The following RYR3 variants were observed in gnomAD, a reference collection of about 807,000 sequenced individuals.
RYR3 encodes the protein brain ryanodine receptor-calcium release channel.
Under a neutral mutation model 584.3 loss-of-function variants are expected in RYR3, and 207 were observed. The observed-to-expected ratio is 0.35, with a 90% CI of 0.32 to 0.40. RYR3 has a LOEUF of 0.40. Ranked by LOEUF, RYR3 falls within the 10% of genes least tolerant of loss-of-function variation. The pLI is 1.00. For synonymous variants in RYR3, 2,416 were observed against 2,248.5 expected (o/e 1.07, Z -2.11); for missense variants, 5,616 against 6,089.2 (o/e 0.92, Z 2.59).
chr15:33,785,880 A>G lies in RYR3; in HGVS notation c.9487A>G (p.Lys3163Glu), dbSNP rs2074676545. Residue 3163 changes from lysine (K) to glutamate (E), a missense_variant, in exon 66 of 104, where the codon AAG (lysine) becomes GAG (glutamate). Physicochemically the swap from Lys to Glu is moderately conservative, Grantham distance 56. Transcript: ENST00000634891. ...LPPSTGPCCT[K>E]VTSEHLSLIL... The stretch of plus-strand genomic sequence containing the variant: ...CCCCAGCACAGGGCCATGCTGCACC[A>G]AGGTCACCTCTGAACACCTCAGTCT... 1.2e-6 allele frequency: 2 copies of G among 1,613,872 alleles called. No homozygotes were observed.
chr15:33,860,143 G>A (rs1184894699), intron 100 of RYR3, among the ~76,000 whole-genome samples: 1 of 152,154 alleles, frequency 6.6e-6, no homozygotes, highest in Non-Finnish European at 1.5e-5. Flanking sequence ...GTCAAGATTG[G>A]AGAAAGATGA....
rs183056535 is a variant in RYR3 at position 33,809,361 on chromosome 15, T to G, written c.10027-1118T>G. On this transcript the variant is annotated intron_variant, in intron 70 of 103. Coordinates refer to ENST00000634891, the MANE Select transcript of RYR3 (RefSeq NM_001036.6). The stretch of plus-strand genomic sequence containing the variant: ...CCGCTTCTTTCCCAGAGTCCCTGAC[T>G]TGATTCTGGCTACCCAGCCCTCCCC... 4.6e-3 allele frequency among the ~76,000 whole-genome samples: 697 copies of G among 152,310 alleles called. 6 individuals carry two copies. Among genetic ancestry groups the G allele is most frequent in the Admixed American group, 9.6e-3 (147 of 15,298 alleles).
intron 32 of RYR3, among the ~76,000 whole-genome samples, chr15:33,653,692 T>C (rs1464822422): frequency 6.6e-6 from 1 of 151,816 alleles, no homozygotes; most frequent in Non-Finnish European, 1.5e-5. Context: ...AATACATTTA[T>C]ATAAACAATG....
chr15:33,604,541 T>C (rs2059817162), intron 18 of RYR3, among the ~76,000 whole-genome samples: 1 of 152,210 alleles, frequency 6.6e-6, no homozygotes, highest in Non-Finnish European at 1.5e-5. Flanking sequence ...CCTGGATCAC[T>C]GCCATGGGGG....
chr15:33,584,813 T>C (rs536388159), intron 15 of RYR3, among the ~76,000 whole-genome samples: 1 of 133,662 alleles, frequency 7.5e-6, no homozygotes, highest in East Asian at 2.6e-4. Context: ...CCTGGTCTCC[T>C]TCTAACTCCC....
intron 41 of RYR3, 128 bp from the exon 42 acceptor site, chr15:33,700,849 C>A: frequency 1.7e-6 from 1 of 585,934 alleles, no homozygotes; most frequent in Non-Finnish European, 3.1e-6. Context: ...CATTGGAGAA[C>A]GGTCATGTAA....
chr15:33,667,925 C>A (rs1291348642), intron 36 of RYR3, among the ~76,000 whole-genome samples: 2 of 151,782 alleles, frequency 1.3e-5, no homozygotes, highest in Non-Finnish European at 2.9e-5. Context: ...TAGCTGAGTG[C>A]GGTGGTGCGC....
chr15:33,849,201 G>A (rs771802197), intron 94 of RYR3: 12 of 152,182 alleles, frequency 7.9e-5, no homozygotes, highest in South Asian at 2.1e-4. Flanking sequence ...AAGATTGAGA[G>A]GCAATTACAT....
rs1180164194 is a variant in RYR3, at chr15:33,464,503, T to TATATACAC, written c.52-8915_52-8914insTATACACA. ...ATATATATATATACACATATATATA[T>TATATACAC]ACATACACATACACATATATGTACA... On this transcript the variant is annotated intron_variant, in intron 1 of 103. Coordinates refer to ENST00000634891, the MANE Select transcript of RYR3 (RefSeq NM_001036.6). Among the ~76,000 whole-genome samples, 219 of 105,884 alleles carry TATATACAC rather than the reference T, an allele frequency of 2.1e-3. 8 individuals are homozygous for TATATACAC. Among genetic ancestry groups the TATATACAC allele is most frequent in the East Asian group, 6.8e-3 (27 of 3,956 alleles). 69.5% of individuals were successfully genotyped at this position (105,884 alleles called of 152,430 possible).
rs371979169 is a variant in RYR3 at position 33,750,168 on chromosome 15, G to T, written c.8281G>T (p.Gly2761Cys). The part of the protein sequence containing the change: ...KKLELESKGG[G>C]SHPLLVPYDT... ...TCTCACCTTACTGACCCCAGGTGGT[G>T]GCAGCCACCCTCTTCTGGTACCATA... Residue 2761 changes from glycine to cysteine, a missense_variant, in exon 57 of 104, where the codon GGC becomes TGC. Gly to Cys is a radical substitution (Grantham distance 159, BLOSUM62 -3). Around this residue, in one of 9 missense-constraint regions of RYR3, gnomAD observed 1,280 missense variants for 1,426.2 expected, o/e 0.90. Transcript: ENST00000634891. 6.2e-7 allele frequency: 1 copy of T among 1,609,584 alleles called. No homozygotes were observed. Among genetic ancestry groups the T allele is most frequent in the South Asian group, 1.1e-5 (1 of 89,848 alleles).
At chr15:33,467,745 G>A (rs1033380625) in intron 1 of RYR3, among the ~76,000 whole-genome samples, 2 of 152,208 alleles carry the variant, frequency 1.3e-5, no homozygotes, top group Admixed American at 6.5e-5. Context: ...GCTGACATAT[G>A]ATATACCTTG....
intron 38 of RYR3, among the ~76,000 whole-genome samples, chr15:33,680,692 G>A (rs2064530995): frequency 1.3e-5 from 2 of 152,348 alleles, no homozygotes; most frequent in Admixed American, 6.5e-5. Flanking sequence ...TTTGAAATAA[G>A]TTTGGGTCAT....
chr15:33,822,126 C>T (rs1320214900), intron 80 of RYR3, among the ~76,000 whole-genome samples: 3 of 152,102 alleles, frequency 2.0e-5, no homozygotes, highest in African/African-American at 4.8e-5. Flanking sequence ...CTCCTGCCAT[C>T]GTGCAGCCTA....
intron 16 of RYR3, among the ~76,000 whole-genome samples, chr15:33,588,113 A>G (rs936606235): frequency 2.0e-5 from 3 of 152,202 alleles, no homozygotes; most frequent in Non-Finnish European, 4.4e-5. Context: ...GCACTTAACA[A>G]ATGCCAGTTA....
chr15:33,754,649 T>C (rs1367702374), intron 57 of RYR3, among the ~76,000 whole-genome samples: 3 of 152,336 alleles, frequency 2.0e-5, no homozygotes, highest in African/African-American at 7.2e-5. Context: ...CTGGGCGCGG[T>C]GGCCGGCCTT....
At chr15:33,420,927 G>C (rs1183813024) in intron 1 of RYR3, among the ~76,000 whole-genome samples, 1 of 152,024 alleles carries the variant, frequency 6.6e-6, no homozygotes, top group Non-Finnish European at 1.5e-5. Context: ...TACCTGCCCT[G>C]TACCATGCAG....
intron 1 of RYR3, among the ~76,000 whole-genome samples, chr15:33,312,396 C>T (rs1047620111): frequency 6.6e-6 from 1 of 152,102 alleles, no homozygotes; most frequent in Non-Finnish European, 1.5e-5. Flanking sequence ...TATGGAAGTA[C>T]CTATCGCCCT....
chr15:33,632,708 C>G (rs1375530126), intron 23 of RYR3, among the ~76,000 whole-genome samples: 3 of 152,128 alleles, frequency 2.0e-5, no homozygotes, highest in Non-Finnish European at 4.4e-5. Context: ...TTTGTATTGA[C>G]CATCTGCTTT....
chr15:33,741,070 C>A (rs1271592252), intron 51 of RYR3, among the ~76,000 whole-genome samples: 1 of 152,208 alleles, frequency 6.6e-6, no homozygotes, highest in Non-Finnish European at 1.5e-5. Flanking sequence ...CTTTTGAAAA[C>A]GTTCTGAGAA....
Sources: gnomAD v4.1 joint callset for allele counts (sites outside exome capture counted in the v4.1 genomes callset) on GRCh38, gnomAD v4.1.1 for gene constraint, gnomAD v4.1.1 regional missense constraint, MANE v1.5 for transcripts, NCBI Gene and HGNC (gene_info 2026-07-23, HGNC 2026-07-21) for gene names.